The following ACSM3 variants were observed in gnomAD, a reference collection of about 807,000 sequenced individuals.
The protein encoded by ACSM3 is acyl-CoA synthetase medium chain family member 3.
ACSM3 carries 61 observed loss-of-function variants against 74.1 expected under a neutral mutation model. The observed-to-expected ratio is 0.82, with a 90% confidence interval of 0.67 to 1.02. The LOEUF (loss-of-function observed/expected upper bound fraction) is 1.02, where lower values mean the gene tolerates loss of function less well. Among genes scored for constraint, ACSM3 ranks in the 50% least tolerant of loss-of-function variants. The pLI is 0.00. For synonymous variants in ACSM3, 213 were observed against 241.5 expected, an observed-to-expected ratio of 0.88 and a Z score of 1.09; for missense variants, 660 against 697.0, an observed-to-expected ratio of 0.95 and a Z score of 0.60.
chr16:20,739,109 A>G (rs756816377), intron 1 of ACSM3: 2 of 1,602,112 alleles, frequency 1.2e-6, no homozygotes, highest in South Asian at 1.1e-5. Flanking sequence ...ATGACACAAC[A>G]GCTCACATTT....
chr16:20,733,202 G>A (rs181957380), intron 1 of ACSM3, among the ~76,000 whole-genome samples: 3 of 152,204 alleles, frequency 2.0e-5, no homozygotes, highest in African/African-American at 4.8e-5. Context: ...GGTAATGATG[G>A]TTTCTAGTGT....
intron 1 of ACSM3, among the ~76,000 whole-genome samples, chr16:20,685,819 C>CAAACAAAAA (rs2079538926): frequency 2.0e-5 from 1 of 50,190 alleles, no homozygotes; most frequent in African/African-American, 1.1e-4. Flanking sequence ...GACTCCGTCT[C>CAAACAAAAA]AAAAAAAAAA....
intron 12 of ACSM3, among the ~76,000 whole-genome samples, chr16:20,793,497 TTAAGG>T (rs11279671): frequency 0.13 from 19,933 of 151,078 alleles, 1,349 homozygotes; most frequent in East Asian, 0.21. Context: ...ATAAAAAAGT[TTAAGG>T]TAAAAATAGG....
chr16:20,784,204 C>CA (rs1402662000), intron 7 of ACSM3, among the ~76,000 whole-genome samples: 3 of 152,122 alleles, frequency 2.0e-5, no homozygotes, highest in African/African-American at 7.2e-5. Flanking sequence ...CTGTGTTGTG[C>CA]AATATGGTAG....
upstream of ACSM3, among the ~76,000 whole-genome samples, chr16:20,763,428 T>G (rs978403428): frequency 8.6e-5 from 13 of 151,996 alleles, no homozygotes; most frequent in Admixed American, 7.2e-4. Context: ...AACAGGCAAG[T>G]GTGTTTGAGA....
intron 1 of ACSM3, among the ~76,000 whole-genome samples, chr16:20,723,417 T>G (rs2079793223): frequency 6.6e-6 from 1 of 152,208 alleles, no homozygotes; most frequent in Non-Finnish European, 1.5e-5. Flanking sequence ...GATGGCTGGG[T>G]CAAACAGTAT....
chr16:20,788,276 T>C (rs192243458), intron 9 of ACSM3, among the ~76,000 whole-genome samples: 181 of 152,318 alleles, frequency 1.2e-3, no homozygotes, highest in Non-Finnish European at 2.3e-3. Flanking sequence ...GAAGTTGATA[T>C]GTAACACAGC....
chr16:20,741,480 G>GGGGGGGGGGGGGGC, intron 1 of ACSM3: 3 of 1,340,416 alleles, frequency 2.2e-6, no homozygotes, highest in Non-Finnish European at 2.9e-6. Context: ...CCTGGCAGCC[G>GGGGGGGGGGGGGGC]GCCCGCCCGC....
intron 1 of ACSM3, chr16:20,691,122 C>A (rs761672390): frequency 6.2e-7 from 1 of 1,613,438 alleles, no homozygotes; most frequent in South Asian, 1.1e-5. Context: ...TGTGAAGGGG[C>A]AGGGTGGATG....
intron 2 of ACSM3, among the ~76,000 whole-genome samples, chr16:20,775,131 A>C (rs1020495513): frequency 6.6e-6 from 1 of 152,068 alleles, no homozygotes; most frequent in Non-Finnish European, 1.5e-5. Context: ...GGAATGCTGC[A>C]GCCCTCTACG....
At chr16:20,717,783 T>C (rs1472863925) in intron 1 of ACSM3, among the ~76,000 whole-genome samples, 2 of 151,558 alleles carry the variant, frequency 1.3e-5, no homozygotes, top group African/African-American at 4.9e-5. Context: ...GGCTATTTAT[T>C]TAGGCTATAG....
At position 20,685,286 on chromosome 16, in the gene ACSM3, G is replaced by A. The variant is rs1466215431; in HGVS notation, c.-190+10464G>A. 3 of 1,614,216 alleles carry A rather than the reference G, an allele frequency of 1.9e-6. No homozygotes were observed. The South Asian group carries it at 3.3e-5, about 18-fold the overall frequency. ...TCTCCCTGTTGTAGGCCACAGGTCT[G>A]TGTGAAGACGTTGGCTACACGGCGG... On this transcript the variant is annotated intron_variant, in intron 1 of 3. Transcript: ENST00000561584.
chr16:20,736,840 G>T, intron 1 of ACSM3: 1 of 1,594,294 alleles, frequency 6.3e-7, no homozygotes, highest in Non-Finnish European at 8.6e-7. Context: ...ATCTCGTAGA[G>T]CCCCAGGTGA....
intron 1 of ACSM3, among the ~76,000 whole-genome samples, chr16:20,696,537 T>C (rs1245386559): frequency 6.6e-6 from 1 of 152,244 alleles, no homozygotes; most frequent in East Asian, 1.9e-4. Flanking sequence ...AAGTATTTAC[T>C]ATAGATGTAC....
intron 1 of ACSM3, among the ~76,000 whole-genome samples, chr16:20,692,385 T>A (rs1161378269): frequency 1.3e-5 from 2 of 152,210 alleles, no homozygotes; most frequent in Non-Finnish European, 2.9e-5. Context: ...GCTTCCAGGC[T>A]ATAGGTAAAT....
Position 20,790,839 on chromosome 16 carries a change from T to A in ACSM3, c.1326+151T>A. 1 of 1,613,956 alleles carries A rather than the reference T, an allele frequency of 6.2e-7. No homozygotes were observed. The highest frequency in any genetic ancestry group is 8.5e-7 in the Non-Finnish European group (1 of 1,179,930). On this transcript the variant is annotated intron_variant, in intron 10 of 13. Coordinates refer to ENST00000289416, the MANE Select transcript of ACSM3 (RefSeq NM_005622.4). This position sits in a 1 kb window ranked among gnomAD's most constrained non-coding sequence, Gnocchi z 4.0. ...AATAGTAATCCAAAAGACAAGAAAT[T>A]GAAGAAATACCCAAATTCTTGCTGA...
intron 1 of ACSM3, chr16:20,733,648 AATATT>A (rs1260146200): frequency 2.0e-5 from 3 of 152,146 alleles, no homozygotes; most frequent in Admixed American, 1.3e-4. Flanking sequence ...AGAAAGAAAA[AATATT>A]AGAACACCAA....
chr16:20,785,259 G>A, intron 8 of ACSM3, 152 bp downstream of exon 8: 1 of 1,040,336 alleles, frequency 9.6e-7, no homozygotes, highest in Non-Finnish European at 1.4e-6. Flanking sequence ...GAACCTAATT[G>A]CAAAAAAGCT....
chr16:20,775,754 A>G, intron 2 of ACSM3, 85 bp from the exon 3 acceptor site: 1 of 1,374,894 alleles, frequency 7.3e-7, no homozygotes, highest in Non-Finnish European at 1.0e-6. Context: ...AACTTTCTTC[A>G]GCTAATCTAT....
Sources: gnomAD v4.1 joint callset for allele counts (sites outside exome capture counted in the v4.1 genomes callset) on GRCh38, gnomAD v4.1.1 for gene constraint, Gnocchi (gnomAD v3.1) non-coding constraint, MANE v1.5 for transcripts, NCBI Gene and HGNC (gene_info 2026-07-23, HGNC 2026-07-21) for gene names.